The following ITGAE variants were observed in gnomAD, a reference collection of about 807,000 sequenced individuals.
The protein encoded by ITGAE is integrin subunit alpha E.
A neutral mutation model predicts 136.5 loss-of-function variants in ITGAE; 99 were observed. That is an observed-to-expected ratio of 0.73 (90% CI 0.62 to 0.86). The LOEUF is 0.86. Among genes scored for constraint, ITGAE ranks in the 40% least tolerant of loss-of-function variants. The pLI is 0.00. For synonymous variants in ITGAE, 613 were observed against 591.8 expected, an observed-to-expected ratio of 1.04 and a Z score of -0.52; for missense variants, 1,447 against 1,515.3, an observed-to-expected ratio of 0.95 and a Z score of 0.75.
chr17:3,725,945 T>C (rs930188871), intron 26 of ITGAE: 1 of 1,613,460 alleles, frequency 6.2e-7, no homozygotes, highest in African/African-American at 1.3e-5. Context: ...ACACCCTCAA[T>C]GGGAAGAGCA....
intron 26 of ITGAE, chr17:3,726,625 C>T (rs1302443215): frequency 3.0e-6 from 1 of 338,598 alleles, no homozygotes; most frequent in Non-Finnish European, 5.3e-6. Context: ...CCCAAGAGTT[C>T]ATATCTAGCC....
chr17:3,786,691 A>G (rs1211725686), intron 1 of ITGAE, among the ~76,000 whole-genome samples: 1 of 152,096 alleles, frequency 6.6e-6, no homozygotes, highest in Non-Finnish European at 1.5e-5. Context: ...AGAGATTGAG[A>G]CTATCCTGGC....
chr17:3,734,673 T>A (rs1470141056), intron 21 of ITGAE, 144 bp downstream of exon 21: 2 of 969,558 alleles, frequency 2.1e-6, no homozygotes, highest in Non-Finnish European at 3.1e-6. Context: ...CTGGCGGGGA[T>A]TTATCTAGTT....
intron 26 of ITGAE, chr17:3,724,472 C>G: frequency 6.2e-7 from 1 of 1,613,906 alleles, no homozygotes; most frequent in Non-Finnish European, 8.5e-7. Flanking sequence ...GCCCCGGGTC[C>G]CCAACGCCAA....
At chr17:3,731,334 C>CT in intron 22 of ITGAE, 151 bp from the exon 23 acceptor site, 1 of 440,452 alleles carries the variant, frequency 2.3e-6, no homozygotes, top group Non-Finnish European at 4.0e-6. Context: ...CCTTTCCCTT[C>CT]CTTTTTTTTT....
chr17:3,786,010 A>G (rs2052786154), intron 1 of ITGAE, among the ~76,000 whole-genome samples: 1 of 151,892 alleles, frequency 6.6e-6, no homozygotes, highest in Non-Finnish European at 1.5e-5. Flanking sequence ...TACTGAAAAT[A>G]CAAAAAATTA....
In ITGAE at chr17:3,777,678, G is replaced by C. The variant is rs766601539; in HGVS notation, c.35-18C>G. On this transcript the variant is annotated intron_variant, in intron 1 of 30. Coordinates refer to ENST00000263087, the MANE Select transcript of ITGAE (RefSeq NM_002208.5). ...GGCCAGGCCTGTAGGGAAAAGAGGA[G>C]CGTTTAATGAAAGAGGCCTTTTACT... is the stretch of plus-strand genomic sequence containing the variant. The C allele has an allele frequency of 1.3e-6, 2 of 1,594,890 alleles. No homozygotes were observed. Among genetic ancestry groups the C allele is most frequent in the Admixed American group, 3.6e-5 (2 of 55,696 alleles).
intron 1 of ITGAE, among the ~76,000 whole-genome samples, chr17:3,777,872 GC>G (rs1221321119): frequency 6.6e-6 from 1 of 151,808 alleles, no homozygotes; most frequent in East Asian, 1.9e-4. Flanking sequence ...CAGTACCCGA[GC>G]CCCCCTCCTC....
At position 3,799,762 on chromosome 17, in the gene ITGAE, A is replaced by G. The variant is rs1226176699; in HGVS notation, c.34+1349T>C. On this transcript the variant is annotated intron_variant, in intron 1 of 30. Transcript: ENST00000263087. This position sits in a 1 kb window ranked among gnomAD's most constrained non-coding sequence, Gnocchi z 4.1. Reference sequence around the variant, plus strand: ...TGTAACTAAAAACAGAGAAGTCTAAATTGTAAAATAAAAGGAAGTTCAACA... The same window carrying G: ...TGTAACTAAAAACAGAGAAGTCTAAGTTGTAAAATAAAAGGAAGTTCAACA... 1.3e-5 allele frequency among the ~76,000 whole-genome samples: 2 copies of G among 152,214 alleles called. No individual in the cohort carries two copies.
At chr17:3,747,571 A>G (rs2051747572) in intron 17 of ITGAE, among the ~76,000 whole-genome samples, 1 of 152,086 alleles carries the variant, frequency 6.6e-6, no homozygotes, top group Non-Finnish European at 1.5e-5. Context: ...GGCCTCCCAA[A>G]GTGCTGGGAT....
chr17:3,732,580 C>T (rs756680984), intron 21 of ITGAE, 114 bp from the exon 22 acceptor site: 16 of 824,230 alleles, frequency 1.9e-5, no homozygotes, highest in Non-Finnish European at 3.0e-5. Context: ...TGTCAGACAC[C>T]CTGCCAGGAG....
chr17:3,800,357 C>G (rs1006339153), intron 1 of ITGAE, among the ~76,000 whole-genome samples: 1 of 152,064 alleles, frequency 6.6e-6, no homozygotes, highest in East Asian at 1.9e-4. Flanking sequence ...ACCTCCTGAG[C>G]AGGGGCAGGA....
At chr17:3,775,315 G>T (rs994148682) in intron 2 of ITGAE, among the ~76,000 whole-genome samples, 2 of 152,078 alleles carry the variant, frequency 1.3e-5, no homozygotes, top group African/African-American at 4.8e-5. Context: ...ATGGATCCAG[G>T]TAAACAACCA....
intron 1 of ITGAE, among the ~76,000 whole-genome samples, chr17:3,792,871 C>G (rs937911096): frequency 4.6e-5 from 7 of 152,054 alleles, no homozygotes; most frequent in African/African-American, 1.7e-4. Flanking sequence ...TTATTCAAAT[C>G]AGAGAAAAAA....
intron 26 of ITGAE, chr17:3,724,971 A>G (rs1276059218): frequency 6.2e-7 from 1 of 1,614,202 alleles, no homozygotes; most frequent in Admixed American, 1.7e-5. Context: ...TCAGGAGGCA[A>G]CGGAAACCTC....
intron 1 of ITGAE, among the ~76,000 whole-genome samples, chr17:3,790,280 G>A (rs771189407): frequency 1.3e-5 from 2 of 152,192 alleles, no homozygotes; most frequent in African/African-American, 2.4e-5. Context: ...GCCGACATGG[G>A]TGGATCACCT....
chr17:3,787,785 T>TCAAGTGATTCTC (rs1380925948), intron 1 of ITGAE, among the ~76,000 whole-genome samples: 1 of 151,910 alleles, frequency 6.6e-6, no homozygotes, highest in Non-Finnish European at 1.5e-5. Flanking sequence ...CCTCTCGAGT[T>TCAAGTGATTCTC]CAAGTGATTC....
intron 1 of ITGAE, among the ~76,000 whole-genome samples, chr17:3,790,455 C>T (rs1470295106): frequency 2.6e-5 from 4 of 151,506 alleles, no homozygotes; most frequent in South Asian, 2.1e-4. Flanking sequence ...TGCAGTGAGC[C>T]GAGATCGCAC....
Position 3,743,568 on chromosome 17 carries a change from T to C in ITGAE, c.2369A>G (p.Gln790Arg), listed in dbSNP as rs1346521463. 1.2e-6 allele frequency: 2 copies of C among 1,613,244 alleles called. No individual in the cohort carries two copies. The highest frequency in any genetic ancestry group is 2.2e-5 in the East Asian group (1 of 44,876). Reference sequence around the variant, plus strand: ...CGTCTGTCCCTCAGGGGTCTGGAGCTGGTAGCTGACTTTGACACTGGCATT... The same window carrying C: ...CGTCTGTCCCTCAGGGGTCTGGAGCCGGTAGCTGACTTTGACACTGGCATT... The part of the protein sequence containing the change: ...FSNASVKVSY[Q>R]LQTPEGQTDH... The change falls in exon 19 of 31, where the codon CAG becomes CGG. Residue 790 changes from glutamine (Q) to arginine (R), a missense_variant. Around this residue, in one of 3 missense-constraint regions of ITGAE, gnomAD observed 1,031 missense variants for 1,011.4 expected, o/e 1.02. Transcript: ENST00000263087.
Sources: allele counts gnomAD v4.1 joint callset (sites outside exome capture counted in the v4.1 genomes callset), GRCh38; gene constraint gnomAD v4.1.1; regional missense constraint gnomAD v4.1.1; non-coding constraint Gnocchi (gnomAD v3.1); transcripts MANE v1.5; gene names NCBI Gene and HGNC (gene_info 2026-07-23, HGNC 2026-07-21).